Variants in SGCG observed in about 807,000 individuals in gnomAD.
SGCG encodes gamma-sarcoglycan.
In SGCG, 26 loss-of-function variants were observed where a neutral mutation model predicts 29.3. That is an observed-to-expected ratio of 0.89 (90% CI 0.65 to 1.23). The LOEUF (loss-of-function observed/expected upper bound fraction) is 1.23. Among genes scored for constraint, SGCG ranks in the 50% most tolerant of loss-of-function variants. SGCG has a pLI of 0.00. For missense variants in SGCG, 353 were observed against 356.0 expected, an observed-to-expected ratio of 0.99 and a Z score of 0.07; for synonymous variants, 145 against 129.7, an observed-to-expected ratio of 1.12 and a Z score of -0.80.
At chr13:23,305,855 A>G (rs965282603) in intron 6 of SGCG, among the ~76,000 whole-genome samples, 2 of 152,190 alleles carry the variant, frequency 1.3e-5, no homozygotes, top group South Asian at 2.1e-4. Flanking sequence ...GCCATGAAAT[A>G]TCATACACAT....
chr13:23,169,561 C>A, the SGCG span, among the ~76,000 whole-genome samples: 3 of 151,916 alleles, frequency 2.0e-5, no homozygotes, highest in Admixed American at 2.0e-4. Context: ...TGCCTGTAGT[C>A]CCAGCTACTC....
At chr13:23,271,312 AGTCCAGTGGT>A (rs1880868965) in intron 4 of SGCG, among the ~76,000 whole-genome samples, 4 of 152,330 alleles carry the variant, frequency 2.6e-5, no homozygotes, top group South Asian at 4.1e-4. Flanking sequence ...TTATCCCACT[AGTCCAGTGGT>A]GTCCAGTCTT....
chr13:23,310,078 C>CTT (rs144258130), intron 6 of SGCG, among the ~76,000 whole-genome samples: 15 of 60,756 alleles, frequency 2.5e-4, no homozygotes, highest in Admixed American at 5.4e-4. Flanking sequence ...TTGTTTTTCT[C>CTT]TTTTTTTTTT....
At chr13:23,273,043 CAG>C (rs1266389341) in intron 4 of SGCG, among the ~76,000 whole-genome samples, 5 of 152,222 alleles carry the variant, frequency 3.3e-5, no homozygotes, top group African/African-American at 7.2e-5. Context: ...TCTCAAAAAA[CAG>C]AATTTTGATT....
chr13:23,284,589 T>C (rs902215182), intron 5 of SGCG, among the ~76,000 whole-genome samples: 4 of 152,220 alleles, frequency 2.6e-5, no homozygotes, highest in African/African-American at 9.6e-5. Flanking sequence ...TTACTCACCT[T>C]CTGAAGCCTA....
At chr13:23,176,732 G>T (rs903171782), upstream of SGCG, among the ~76,000 whole-genome samples, 2 of 152,050 alleles carry the variant, frequency 1.3e-5, no homozygotes, top group African/African-American at 4.8e-5. Flanking sequence ...TACATGGAAG[G>T]TTATTGTCGA....
upstream of SGCG, among the ~76,000 whole-genome samples, chr13:23,177,204 T>G (rs540811689): frequency 6.6e-6 from 1 of 152,230 alleles, no homozygotes; most frequent in Non-Finnish European, 1.5e-5. Context: ...GAGCAATGAT[T>G]ACCAGAGAAT....
At chr13:23,271,806 C>T (rs1048726913) in intron 4 of SGCG, among the ~76,000 whole-genome samples, 3 of 152,156 alleles carry the variant, frequency 2.0e-5, no homozygotes, top group African/African-American at 4.8e-5. Context: ...TCCAAGAATG[C>T]GGAATGTCTT....
intron 1 of SGCG, among the ~76,000 whole-genome samples, chr13:23,195,350 A>G (rs1877447085): frequency 6.6e-6 from 1 of 152,210 alleles, no homozygotes; most frequent in Non-Finnish European, 1.5e-5. Context: ...GTAAATATAA[A>G]ACTGTGTTTT....
At chr13:23,288,975 A>G (rs535839509) in intron 5 of SGCG, among the ~76,000 whole-genome samples, 10 of 152,338 alleles carry the variant, frequency 6.6e-5, no homozygotes, top group African/African-American at 2.2e-4. Flanking sequence ...GCTAAGCAAG[A>G]TCACATAAAG....
the SGCG span, among the ~76,000 whole-genome samples, chr13:23,161,418 G>A: frequency 2.6e-5 from 4 of 152,142 alleles, no homozygotes; most frequent in Non-Finnish European, 5.9e-5. Context: ...TGTAATGCTG[G>A]CGCTCCATGT....
chr13:23,257,057 T>C (rs934055114), intron 4 of SGCG, among the ~76,000 whole-genome samples: 4 of 152,198 alleles, frequency 2.6e-5, no homozygotes, highest in African/African-American at 7.2e-5. Context: ...CCTGACTTGT[T>C]AGTGATCGCC....
At chr13:23,228,161 G>A (rs1593184761) in intron 2 of SGCG, among the ~76,000 whole-genome samples, 1 of 152,046 alleles carries the variant, frequency 6.6e-6, no homozygotes, top group Non-Finnish European at 1.5e-5. Flanking sequence ...ATATGAGCTT[G>A]TGAAAATTCA....
intron 4 of SGCG, among the ~76,000 whole-genome samples, chr13:23,263,797 G>A (rs747750741): frequency 4.6e-5 from 7 of 151,838 alleles, no homozygotes; most frequent in South Asian, 2.1e-4. Context: ...AATTTGATTC[G>A]TCACCTAAAC....
chr13:23,301,579 G>A (rs955628784), intron 6 of SGCG, among the ~76,000 whole-genome samples: 5 of 152,132 alleles, frequency 3.3e-5, no homozygotes, highest in Non-Finnish European at 5.9e-5. Flanking sequence ...AATTAGGAAA[G>A]AAATAGCATT....
intron 5 of SGCG, among the ~76,000 whole-genome samples, chr13:23,283,777 G>A (rs578020339): frequency 2.0e-5 from 3 of 152,156 alleles, no homozygotes; most frequent in Admixed American, 6.5e-5. Flanking sequence ...CACATTTAGT[G>A]CTTCCTTCAG....
At chr13:23,212,600 C>T (rs1399642568) in intron 2 of SGCG, among the ~76,000 whole-genome samples, 1 of 152,126 alleles carries the variant, frequency 6.6e-6, no homozygotes, top group African/African-American at 2.4e-5. Flanking sequence ...AGAAAAAGCA[C>T]AGATGCTTAA....
At chr13:23,248,731 G>T (rs866274204) in intron 3 of SGCG, among the ~76,000 whole-genome samples, 5 of 150,238 alleles carry the variant, frequency 3.3e-5, no homozygotes, top group Non-Finnish European at 7.4e-5. Flanking sequence ...GGTGGCTGAT[G>T]CCTGTAATCC....
intron 1 of SGCG, among the ~76,000 whole-genome samples, chr13:23,192,799 A>C (rs1037174772): frequency 1.3e-5 from 2 of 152,220 alleles, no homozygotes; most frequent in African/African-American, 2.4e-5. Context: ...AAACATGGAA[A>C]TCTATTTGAC....
Sources: allele counts gnomAD v4.1 joint callset (sites outside exome capture counted in the v4.1 genomes callset), GRCh38; gene constraint gnomAD v4.1.1; transcripts MANE v1.5; gene names NCBI Gene and HGNC (gene_info 2026-07-23, HGNC 2026-07-21).